The following DGKI variants were observed in gnomAD, a reference collection of about 807,000 sequenced individuals.
The protein encoded by DGKI is DAG kinase iota.
Under a neutral mutation model 147.5 loss-of-function variants are expected in DGKI, and 55 were observed. The observed-to-expected ratio is 0.37, with a 90% confidence interval of 0.30 to 0.47. The LOEUF (loss-of-function observed/expected upper bound fraction) is 0.47, where lower values mean the gene tolerates loss of function less well. Ranked by LOEUF, DGKI falls within the 20% of genes least tolerant of loss-of-function variation. DGKI has a pLI of 1.00. For synonymous variants in DGKI, 469 were observed against 477.1 expected (o/e 0.98, Z 0.22); for missense variants, 1,007 against 1,323.8 (o/e 0.76, Z 3.71).
chr7:137,526,146 T>C (rs1042303167), intron 20 of DGKI, among the ~76,000 whole-genome samples: 2 of 152,116 alleles, frequency 1.3e-5, no homozygotes, highest in Non-Finnish European at 2.9e-5. Context: ...GTCTGGGGAA[T>C]AGCACTGCCA....
intron 30 of DGKI, among the ~76,000 whole-genome samples, chr7:137,404,679 T>A (rs992611390): frequency 5.3e-5 from 8 of 152,184 alleles, no homozygotes; most frequent in African/African-American, 1.4e-4. Context: ...ATGATTACTG[T>A]GAACATTGTG....
intron 8 of DGKI, among the ~76,000 whole-genome samples, chr7:137,612,804 G>A (rs528849731): frequency 8.6e-5 from 13 of 152,010 alleles, no homozygotes; most frequent in Non-Finnish European, 1.8e-4. Flanking sequence ...CAGCTAACTC[G>A]GTGATAAAAG....
intron 3 of DGKI, among the ~76,000 whole-genome samples, chr7:137,660,638 C>G (rs1205214717): frequency 1.3e-5 from 2 of 152,156 alleles, no homozygotes; most frequent in South Asian, 2.1e-4. Context: ...TGAATCCTAT[C>G]CCACCCAACT....
At position 137,577,210 on chromosome 7, in the gene DGKI, T is replaced by C. The variant is rs555109781; in HGVS notation, c.1761+12A>G. 8 of 1,568,314 alleles carry C rather than the reference T, an allele frequency of 5.1e-6. No homozygotes were observed. The African/African-American group carries it at 1.1e-4, about 21-fold the overall frequency. ...TATTCAAATTAAATAAATCAACATA[T>C]TCAATACTTACAACAACTTTAACAT... On this transcript the variant is annotated intron_variant, in intron 17 of 32. Transcript: ENST00000614521.
At chr7:137,653,450 C>T (rs1418419283) in intron 5 of DGKI, among the ~76,000 whole-genome samples, 1 of 152,228 alleles carries the variant, frequency 6.6e-6, no homozygotes, top group Non-Finnish European at 1.5e-5. Flanking sequence ...ACTCAACTTG[C>T]AGCATGGCTT....
chr7:137,841,371 A>AT (rs1798540248), intron 1 of DGKI, among the ~76,000 whole-genome samples: 2 of 152,208 alleles, frequency 1.3e-5, no homozygotes, highest in South Asian at 4.1e-4. Flanking sequence ...AAATCAGCCC[A>AT]TTTTTATAGG....
At chr7:137,657,470 G>C (rs548027639) in intron 3 of DGKI, among the ~76,000 whole-genome samples, 3 of 152,334 alleles carry the variant, frequency 2.0e-5, no homozygotes, top group Middle Eastern at 3.4e-3. Flanking sequence ...TGCATGGAGA[G>C]AGATGAATGA....
intron 12 of DGKI, among the ~76,000 whole-genome samples, chr7:137,589,046 A>G (rs1393539519): frequency 6.6e-6 from 1 of 151,934 alleles, no homozygotes; most frequent in African/African-American, 2.4e-5. Context: ...AAAGAACTCA[A>G]CCCCCTTCTG....
intron 1 of DGKI, among the ~76,000 whole-genome samples, chr7:137,812,195 C>G (rs1306260176): frequency 6.6e-6 from 1 of 152,174 alleles, no homozygotes; most frequent in Non-Finnish European, 1.5e-5. Context: ...CATAGTTAGA[C>G]CTGGGTGTAA....
chr7:137,737,679 T>G (rs779794760), intron 1 of DGKI, among the ~76,000 whole-genome samples: 3 of 152,130 alleles, frequency 2.0e-5, no homozygotes, highest in Non-Finnish European at 4.4e-5. Flanking sequence ...TTGAAATGCC[T>G]CTAAACATTA....
Position 137,524,584 on chromosome 7 carries a change from A to G in DGKI, c.2148-2618T>C, listed in dbSNP as rs527562138. ...TATCCCCAAATTAAAGGGGTCTGATAATCCCTTTATTTCCAAGTTCACTCA... is the reference window on the plus strand; with the variant it reads ...TATCCCCAAATTAAAGGGGTCTGATGATCCCTTTATTTCCAAGTTCACTCA... On this transcript the variant is annotated intron_variant, in intron 20 of 32. Coordinates refer to ENST00000614521, the MANE Select transcript of DGKI (RefSeq NM_001321708.2). 1.5e-4 allele frequency among the ~76,000 whole-genome samples: 23 copies of G among 152,236 alleles called. No homozygotes were observed. In the South Asian group the frequency reaches 4.4e-3, roughly 29 times the overall value.
chr7:137,677,393 A>T (rs546582385), intron 3 of DGKI, among the ~76,000 whole-genome samples: 74 of 152,322 alleles, frequency 4.9e-4, no homozygotes, highest in African/African-American at 1.7e-3. Flanking sequence ...CCGACTTCCA[A>T]TCCAGAGCCT....
chr7:137,563,881 C>T (rs1723092), intron 19 of DGKI, among the ~76,000 whole-genome samples: 7,828 of 152,112 alleles, frequency 0.051, 513 homozygotes, highest in African/African-American at 0.13. Context: ...TTATCTAAAA[C>T]TTAAATGCAA....
At chr7:137,576,535 T>C (rs1818983573) in intron 17 of DGKI, among the ~76,000 whole-genome samples, 1 of 152,208 alleles carries the variant, frequency 6.6e-6, no homozygotes, top group African/African-American at 2.4e-5. Flanking sequence ...GAAACATTAA[T>C]GTTTTTCTTA....
chr7:137,578,174 T>C, intron 16 of DGKI, 96 bp downstream of exon 16: 1 of 797,814 alleles, frequency 1.3e-6, no homozygotes, highest in Non-Finnish European at 2.2e-6. Flanking sequence ...ATGAGATGTA[T>C]ATGTGATTAT....
Position 137,665,598 on chromosome 7 carries a change from T to C in DGKI, c.607-9058A>G, listed in dbSNP as rs186758881. ...GCATTCTGCATATGAAGTGTTTATGTTGATGTTCCTAGCACCTCCCCTGAG... is the reference window on the plus strand; with the variant it reads ...GCATTCTGCATATGAAGTGTTTATGCTGATGTTCCTAGCACCTCCCCTGAG... On this transcript the variant is annotated intron_variant, in intron 3 of 32. Transcript: ENST00000614521. Among the ~76,000 whole-genome samples, 488 of 152,284 alleles carry C rather than the reference T, an allele frequency of 3.2e-3. 4 individuals carry two copies. The highest frequency in any genetic ancestry group is 0.011 in the African/African-American group (440 of 41,550).
At chr7:137,415,351 A>G (rs951562785) in intron 28 of DGKI, among the ~76,000 whole-genome samples, 1 of 152,224 alleles carries the variant, frequency 6.6e-6, no homozygotes, top group South Asian at 2.1e-4. Context: ...TTTGCATTAG[A>G]TTAGGTATTA....
At chr7:137,479,980 C>T (rs903408392) in intron 23 of DGKI, among the ~76,000 whole-genome samples, 1 of 152,138 alleles carries the variant, frequency 6.6e-6, no homozygotes, top group African/African-American at 2.4e-5. Context: ...CCACTCATGA[C>T]TCCTACAGTG....
Position 137,846,169 on chromosome 7 carries a change from A to T in DGKI, c.401+293T>A, listed in dbSNP as rs796227842. ...CTCTCTCTCTCTCTCTCTCACACAC[A>T]CACACACACACACACACACACACAC... On this transcript the variant is annotated intron_variant, in intron 1 of 32. Coordinates refer to ENST00000614521, the MANE Select transcript of DGKI (RefSeq NM_001321708.2). This position sits in a 1 kb window ranked among gnomAD's most constrained non-coding sequence, Gnocchi z 4.0. Among the ~76,000 whole-genome samples the T allele has an allele frequency of 0.052, 3,972 of 75,662 alleles. 44 individuals carry two copies. The highest frequency in any genetic ancestry group is 0.097 in the African/African-American group (1,912 of 19,766). The allele number at this position is 75,662 out of a possible 152,430, so 49.6% of individuals were successfully genotyped here.
Sources: gnomAD v4.1 joint callset for allele counts (sites outside exome capture counted in the v4.1 genomes callset) on GRCh38, gnomAD v4.1.1 for gene constraint, Gnocchi (gnomAD v3.1) non-coding constraint, MANE v1.5 for transcripts, NCBI Gene and HGNC (gene_info 2026-07-23, HGNC 2026-07-21) for gene names.